The following CHN2 variants were observed in gnomAD, a reference collection of about 807,000 sequenced individuals.
The protein encoded by CHN2 is chimerin 2, also known as beta-chimaerin.
Under a neutral mutation model 56.3 loss-of-function variants are expected in CHN2, and 35 were observed. The ratio of observed to expected loss-of-function variants is 0.62; its 90% CI spans 0.47 to 0.82. The LOEUF is 0.82. Among genes scored for constraint, CHN2 ranks in the 40% least tolerant of loss-of-function variants. CHN2 has a pLI of 0.00. For synonymous variants in CHN2, 210 were observed against 212.8 expected (o/e 0.99, Z 0.12); for missense variants, 491 against 580.5 (o/e 0.85, Z 1.58).
chr7:29,240,442 T>A (rs916889312), intron 1 of CHN2, among the ~76,000 whole-genome samples: 4 of 152,208 alleles, frequency 2.6e-5, no homozygotes, highest in Non-Finnish European at 5.9e-5. Context: ...GTGAAAAAGA[T>A]TGCAAAATCA....
intron 1 of CHN2, among the ~76,000 whole-genome samples, chr7:29,278,881 C>T (rs1468156211): frequency 3.9e-5 from 6 of 152,132 alleles, no homozygotes; most frequent in African/African-American, 7.2e-5. Context: ...TAGCTAGACT[C>T]GCGAGGCTGC....
At chr7:29,427,274 C>T (rs1182357045) in intron 6 of CHN2, among the ~76,000 whole-genome samples, 2 of 152,136 alleles carry the variant, frequency 1.3e-5, no homozygotes, top group Non-Finnish European at 2.9e-5. Context: ...TGAGATTGTG[C>T]CACTGCACTG....
chr7:29,249,320 C>A (rs1562863832), intron 1 of CHN2, among the ~76,000 whole-genome samples: 1 of 152,252 alleles, frequency 6.6e-6, no homozygotes, highest in African/African-American at 2.4e-5. Flanking sequence ...GGAGCCTGGG[C>A]TTATTGTTCA....
intron 1 of CHN2, chr7:29,197,820 G>A (rs1489388206): frequency 4.9e-6 from 2 of 409,870 alleles, no homozygotes; most frequent in Admixed American, 2.9e-5. Flanking sequence ...AAATTCTGTG[G>A]AGAAGGGTGC....
chr7:29,453,659 C>T lies in CHN2; in HGVS notation c.577-26620C>T, dbSNP rs141643997. Among the ~76,000 whole-genome samples the T allele has an allele frequency of 6.6e-5, 10 of 152,278 alleles. No homozygotes were observed. In the East Asian group the frequency reaches 1.9e-3, roughly 29 times the overall value. On this transcript the variant is annotated intron_variant, in intron 6 of 12. Coordinates refer to ENST00000222792, the MANE Select transcript of CHN2 (RefSeq NM_004067.4). ...TTAAATTCTGGAAGCAGGGACCACT[C>T]ATACTACCCCCAACATTGAAACCTA...
chr7:29,336,348 A>G (rs1362337215), intron 1 of CHN2, among the ~76,000 whole-genome samples: 1 of 152,140 alleles, frequency 6.6e-6, no homozygotes, highest in Non-Finnish European at 1.5e-5. Context: ...ATGGTGACCC[A>G]CACCTGTAAT....
At chr7:29,370,172 G>A (rs1799495672) in intron 3 of CHN2, among the ~76,000 whole-genome samples, 1 of 152,198 alleles carries the variant, frequency 6.6e-6, no homozygotes, top group African/African-American at 2.4e-5. Context: ...ACTGCAGATA[G>A]TTCCTGCCTA....
chr7:29,462,037 GA>G (rs1785207669), intron 6 of CHN2, among the ~76,000 whole-genome samples: 1 of 152,022 alleles, frequency 6.6e-6, no homozygotes, highest in Non-Finnish European at 1.5e-5. Flanking sequence ...ATTGTACTTG[GA>G]ACAGTGTTTT....
chr7:29,486,854 C>G (rs926195382), intron 7 of CHN2, among the ~76,000 whole-genome samples: 1 of 152,182 alleles, frequency 6.6e-6, no homozygotes, highest in Non-Finnish European at 1.5e-5. Flanking sequence ...CGTGGCAGCA[C>G]CACCACCTCC....
chr7:29,194,883 C>T lies in CHN2; in HGVS notation c.-59C>T. On this transcript the variant is annotated 5_prime_UTR_variant, in exon 1 of 13. The change creates a premature stop within an existing upstream ORF in the 5' untranslated region. Transcript: ENST00000222792. Reference sequence around the variant, plus strand: ...GAGGCTGCGAGCGGCCGGGCGAGGGCAGCGGCGGCGGCGTCCGCACCGGGG... The same window carrying T: ...GAGGCTGCGAGCGGCCGGGCGAGGGTAGCGGCGGCGGCGTCCGCACCGGGG... The T allele has an allele frequency of 5.8e-6, 8 of 1,383,440 alleles. No homozygotes were observed. The highest frequency in any genetic ancestry group is 7.5e-6 in the Non-Finnish European group (8 of 1,069,690). 85.7% of individuals were successfully genotyped at this position (1,383,440 alleles called of 1,614,324 possible). A position where few individuals can be genotyped will look rare whatever the true frequency, so the allele number is the denominator to read the frequency against.
chr7:29,383,952 A>G (rs1370636646), intron 3 of CHN2, among the ~76,000 whole-genome samples: 2 of 152,210 alleles, frequency 1.3e-5, no homozygotes, highest in Non-Finnish European at 2.9e-5. Context: ...TTGGAGAGAA[A>G]GGGACCGTTT....
At chr7:29,167,960 C>T (rs1461264570) in intron 2 of CHN2, among the ~76,000 whole-genome samples, 1 of 152,160 alleles carries the variant, frequency 6.6e-6, no homozygotes, top group Non-Finnish European at 1.5e-5. Flanking sequence ...TGTTGTGTGA[C>T]CCTGGGAACA....
intron 8 of CHN2, among the ~76,000 whole-genome samples, chr7:29,499,663 G>A (rs145771111): frequency 4.4e-4 from 67 of 152,272 alleles, no homozygotes; most frequent in African/African-American, 1.2e-3. Flanking sequence ...AAGGCTTAAC[G>A]AGAAAAATGG....
At chr7:29,299,294 A>G (rs1281771573) in intron 1 of CHN2, among the ~76,000 whole-genome samples, 1 of 152,224 alleles carries the variant, frequency 6.6e-6, no homozygotes, top group African/African-American at 2.4e-5. Context: ...TTCTGTTGTC[A>G]TAAGATAATG....
intron 6 of CHN2, among the ~76,000 whole-genome samples, chr7:29,454,269 T>C (rs849929): frequency 0.12 from 17,984 of 152,132 alleles, 1,148 homozygotes; most frequent in Non-Finnish European, 0.14. Flanking sequence ...ATGTGTGAAG[T>C]GTTTAGAGCA....
chr7:29,509,724 A>C, intron 12 of CHN2: 1 of 198,770 alleles, frequency 5.0e-6, no homozygotes, highest in Non-Finnish European at 1.0e-5. Context: ...AGCCGCCTGT[A>C]GTCCCAGCCA....
chr7:29,188,024 A>G (rs1000319747), intron 2 of CHN2, among the ~76,000 whole-genome samples: 2 of 152,198 alleles, frequency 1.3e-5, no homozygotes, highest in African/African-American at 2.4e-5. Context: ...CCTGGCTCCT[A>G]TGTCTTAATA....
intron 2 of CHN2, among the ~76,000 whole-genome samples, chr7:29,361,162 T>G (rs77404362): frequency 0.028 from 4,292 of 152,304 alleles, 221 homozygotes; most frequent in African/African-American, 0.098. Context: ...TTATTGCATG[T>G]GACTTGTGAA....
intron 3 of CHN2, among the ~76,000 whole-genome samples, chr7:29,388,830 T>C (rs894666272): frequency 2.0e-5 from 3 of 152,200 alleles, no homozygotes; most frequent in Admixed American, 6.5e-5. Context: ...TGGCCTCATA[T>C]ATATAGGAGC....
Sources: gnomAD v4.1 joint callset for allele counts (sites outside exome capture counted in the v4.1 genomes callset) on GRCh38, gnomAD v4.1.1 for gene constraint, MANE v1.5 for transcripts, NCBI Gene and HGNC (gene_info 2026-07-23, HGNC 2026-07-21) for gene names.